The following CTNNA3 variants were observed in gnomAD, a reference collection of about 807,000 sequenced individuals.
CTNNA3 encodes catenin alpha-3.
A neutral mutation model predicts 95.7 loss-of-function variants in CTNNA3; 76 were observed. The ratio of observed to expected loss-of-function variants is 0.79; its 90% CI spans 0.66 to 0.96. CTNNA3 has a LOEUF of 0.96. Among genes scored for constraint, CTNNA3 ranks in the 40% least tolerant of loss-of-function variants. The probability of loss-of-function intolerance (pLI) is 0.00; values close to 1 mark genes in which losing one functional copy is unlikely to be tolerated. For synonymous variants in CTNNA3, 431 were observed against 374.4 expected (o/e 1.15, Z -1.74); for missense variants, 1,191 against 1,089.8 (o/e 1.09, Z -1.31).
In CTNNA3 at chr10:67,539,583, C is replaced by A. The variant is rs1840602429; in HGVS notation, c.379G>T (p.Ala127Ser). Reference protein sequence around the residue: ...KREAVVQAARALLAAVTRLLI... With the variant: ...KREAVVQAARSLLAAVTRLLI... ...AGTCTCGTCACCGCAGCCAGCAAGG[C>A]ACGGGCAGCTTGAACCACAGCCTCC... Residue 127 changes from alanine to serine, a missense_variant, in exon 4 of 18, where the codon GCC becomes TCC. Physicochemically the swap from Ala to Ser is moderately conservative, Grantham distance 99. Coordinates refer to ENST00000433211, the MANE Select transcript of CTNNA3 (RefSeq NM_013266.4). 6.2e-7 allele frequency: 1 copy of A among 1,613,776 alleles called. No homozygotes were observed. The highest frequency in any genetic ancestry group is 1.3e-5 in the African/African-American group (1 of 74,900).
At chr10:66,337,727 T>C (rs2092412106) in intron 12 of CTNNA3, among the ~76,000 whole-genome samples, 1 of 152,088 alleles carries the variant, frequency 6.6e-6, no homozygotes, top group African/African-American at 2.4e-5. Flanking sequence ...AAGGTGGTCA[T>C]AATAAATAAT....
At chr10:67,193,894 T>C (rs1431115393) in intron 6 of CTNNA3, among the ~76,000 whole-genome samples, 1 of 152,086 alleles carries the variant, frequency 6.6e-6, no homozygotes, top group Non-Finnish European at 1.5e-5. Context: ...GACACACTAC[T>C]TTCCACAATG....
intron 17 of CTNNA3, among the ~76,000 whole-genome samples, chr10:65,943,160 C>T (rs1291676307): frequency 6.6e-6 from 1 of 151,544 alleles, no homozygotes; most frequent in Non-Finnish European, 1.5e-5. Flanking sequence ...GCCTCCTGGG[C>T]TCACGCCATC....
At chr10:67,228,095 C>T (rs1033640143) in intron 5 of CTNNA3, among the ~76,000 whole-genome samples, 1 of 152,124 alleles carries the variant, frequency 6.6e-6, no homozygotes, top group African/African-American at 2.4e-5. Flanking sequence ...CAAACTGACA[C>T]TCTACGGCTA....
intron 7 of CTNNA3, among the ~76,000 whole-genome samples, chr10:66,979,949 C>G (rs917486058): frequency 6.6e-6 from 1 of 152,166 alleles, no homozygotes; most frequent in Admixed American, 6.5e-5. Context: ...ACTGTTGGAA[C>G]ACCAGGGGGT....
chr10:66,944,534 C>T lies in CTNNA3; in HGVS notation c.1048-169010G>A, dbSNP rs112397316. On this transcript the variant is annotated intron_variant, in intron 7 of 17. Transcript: ENST00000433211. ...TGTTTTGACTTCCTCTCATGAATCA[C>T]GAATGTTCTTAGCAACATTTAGAAT... Among the ~76,000 whole-genome samples the T allele has an allele frequency of 9.2e-5, 14 of 152,248 alleles. 1 individual carries two copies. Among genetic ancestry groups the T allele is most frequent in the African/African-American group, 2.9e-4 (12 of 41,570 alleles).
At chr10:67,409,374 G>A (rs777474942) in intron 5 of CTNNA3, among the ~76,000 whole-genome samples, 2 of 152,112 alleles carry the variant, frequency 1.3e-5, no homozygotes, top group Non-Finnish European at 2.9e-5. Context: ...AGAAAATATA[G>A]TACACATACA....
Position 66,600,769 on chromosome 10 carries a change from T to C in CTNNA3, c.1374+20923A>G, listed in dbSNP as rs190949155. 3.3e-5 allele frequency among the ~76,000 whole-genome samples: 5 copies of C among 151,988 alleles called. No homozygotes were observed. In the East Asian group the frequency reaches 9.6e-4, roughly 29 times the overall value. On this transcript the variant is annotated intron_variant, in intron 10 of 17. Transcript: ENST00000433211. ...TTCTAATGGAGCTAAGGCCTTCAAT[T>C]ATGAAATAGCAAGCCCTAAATATAT...
intron 13 of CTNNA3, among the ~76,000 whole-genome samples, chr10:66,125,450 T>C (rs1344456702): frequency 6.6e-6 from 1 of 152,112 alleles, no homozygotes; most frequent in Non-Finnish European, 1.5e-5. Flanking sequence ...ACTCAGTTTT[T>C]TAAGAAAAGT....
intron 13 of CTNNA3, among the ~76,000 whole-genome samples, chr10:66,218,136 CT>C (rs1381354242): frequency 6.6e-6 from 1 of 152,120 alleles, no homozygotes; most frequent in African/African-American, 2.4e-5. Flanking sequence ...CCTAATAAGC[CT>C]GTCCTACTCA....
chr10:67,110,623 G>T lies in CTNNA3; in HGVS notation c.1047+69694C>A, dbSNP rs7091417. Among the ~76,000 whole-genome samples the T allele has an allele frequency of 9.1e-3, 1,380 of 151,978 alleles. 55 individuals are homozygous for T. The East Asian group carries it at 0.12, about 13-fold the overall frequency. ...CTTAGATGATCTCTATCTTTCCTTT[G>T]CAGGTTTGTACCCCACCTACTTTGC... is the stretch of plus-strand genomic sequence containing the variant. On this transcript the variant is annotated intron_variant, in intron 7 of 17. Coordinates refer to ENST00000433211, the MANE Select transcript of CTNNA3 (RefSeq NM_013266.4).
At chr10:65,983,515 T>C (rs960029410) in intron 16 of CTNNA3, among the ~76,000 whole-genome samples, 15 of 151,508 alleles carry the variant, frequency 9.9e-5, no homozygotes, top group African/African-American at 3.6e-4. Context: ...CCTGAAATCT[T>C]GGATTCATAT....
At chr10:67,356,736 G>T (rs1479678872) in intron 5 of CTNNA3, among the ~76,000 whole-genome samples, 2 of 152,010 alleles carry the variant, frequency 1.3e-5, no homozygotes, top group African/African-American at 2.4e-5. Context: ...TAGTTACATT[G>T]CCTCCTTACT....
At position 65,920,315 on chromosome 10, in the gene CTNNA3, T is replaced by G. The variant is rs369681914; in HGVS notation, c.*15A>C. ...AGGATTTTGTCATATAGGCACTATA[T>G]GTAGAATAGTGGTTTCAGTAGATTT... On this transcript the variant is annotated 3_prime_UTR_variant, in exon 18 of 18. Coordinates refer to ENST00000433211, the MANE Select transcript of CTNNA3 (RefSeq NM_013266.4). 732 of 1,602,636 alleles carry G rather than the reference T, an allele frequency of 4.6e-4. 1 individual carries two copies. The highest frequency in any genetic ancestry group is 6.0e-4 in the Non-Finnish European group (702 of 1,171,156).
intron 7 of CTNNA3, among the ~76,000 whole-genome samples, chr10:66,779,973 A>G (rs1208918952): frequency 6.6e-6 from 1 of 152,150 alleles, no homozygotes; most frequent in Non-Finnish European, 1.5e-5. Context: ...CACTCTCAAT[A>G]ATGATGAAGG....
chr10:67,004,974 C>T (rs1851887345), intron 7 of CTNNA3, among the ~76,000 whole-genome samples: 1 of 152,074 alleles, frequency 6.6e-6, no homozygotes. Flanking sequence ...ATTAGTAAGA[C>T]TGAATTTGTT....
intron 11 of CTNNA3, among the ~76,000 whole-genome samples, chr10:66,464,884 TA>T (rs35744077): frequency 1.3e-5 from 2 of 150,600 alleles, no homozygotes; most frequent in South Asian, 2.1e-4. Context: ...CCAGCCTCAT[TA>T]AAAAAAAATA....
chr10:67,479,134 T>C lies in CTNNA3; in HGVS notation c.579+42708A>G, dbSNP rs145608697. Among the ~76,000 whole-genome samples the C allele has an allele frequency of 2.0e-3, 310 of 152,244 alleles. 2 individuals carry two copies. Among genetic ancestry groups the C allele is most frequent in the African/African-American group, 7.2e-3 (299 of 41,542 alleles). On this transcript the variant is annotated intron_variant, in intron 5 of 17. Transcript: ENST00000433211. ...GTACTTCTAGACCTACCAAAAGACT[T>C]AGCCACATAATAATAGTGAGGGACT... is the stretch of plus-strand genomic sequence containing the variant.
intron 15 of CTNNA3, among the ~76,000 whole-genome samples, 155 bp from the exon 16 acceptor site, chr10:65,988,952 T>C (rs2078483452): frequency 6.6e-6 from 1 of 152,144 alleles, no homozygotes; most frequent in African/African-American, 2.4e-5. Flanking sequence ...TTTGTGATTG[T>C]TTGTTTTGAG....
Sources: gnomAD v4.1 joint callset for allele counts (sites outside exome capture counted in the v4.1 genomes callset) on GRCh38, gnomAD v4.1.1 for gene constraint, MANE v1.5 for transcripts, NCBI Gene and HGNC (gene_info 2026-07-23, HGNC 2026-07-21) for gene names.